MRPL19: variants seen among roughly 807,000 people sequenced by gnomAD.
MRPL19 encodes large ribosomal subunit protein bL19m.
A neutral mutation model predicts 34.0 loss-of-function variants in MRPL19; 31 were observed. That is an observed-to-expected ratio of 0.91 (90% CI 0.68 to 1.23). MRPL19 has a LOEUF of 1.23. MRPL19 is among the 50% of genes most tolerant of loss of function. The pLI is 0.00. For missense variants in MRPL19, 384 were observed against 367.6 expected (o/e 1.04, Z -0.37); for synonymous variants, 152 against 127.7 (o/e 1.19, Z -1.28).
rs79182119 is a variant in MRPL19, at chr2:75,660,548, T to G, written c.*5263T>G. The G allele has an allele frequency of 6.6e-6, 1 of 152,334 alleles. No homozygotes were observed. Among genetic ancestry groups the G allele is most frequent in the East Asian group, 1.9e-4 (1 of 5,184 alleles). The allele number at this position is 152,334 out of a possible 1,614,324, so 9.4% of individuals were successfully genotyped here. On this transcript the variant is annotated 3_prime_UTR_variant, in exon 6 of 6. Coordinates refer to ENST00000393909, the MANE Select transcript of MRPL19 (RefSeq NM_014763.4). ...GATTGTAGCAGTCTATTGCTACATG[T>G]GCAGTCATTTCCAAACTATTTTTGC...
rs1382531974 is a variant in MRPL19, at chr2:75,659,071, A to G, written c.*3786A>G. 6.6e-6 allele frequency among the ~76,000 whole-genome samples: 1 copy of G among 152,000 alleles called. No individual in the cohort carries two copies. The highest frequency in any genetic ancestry group is 1.5e-5 in the Non-Finnish European group (1 of 67,982). Reference sequence around the variant, plus strand: ...ATTTAACACTTCTTCTATATGTCATATACTTTTTTGGCCCCTCATTTCCTC... The same window carrying G: ...ATTTAACACTTCTTCTATATGTCATGTACTTTTTTGGCCCCTCATTTCCTC... On this transcript the variant is annotated 3_prime_UTR_variant, in exon 6 of 6. Transcript: ENST00000393909.
intron 4 of MRPL19, among the ~76,000 whole-genome samples, chr2:75,654,518 A>G (rs1029082743): frequency 6.6e-6 from 1 of 152,004 alleles, no homozygotes; most frequent in Non-Finnish European, 1.5e-5. Flanking sequence ...TTTTTAGACT[A>G]TCATTCCAAT....
At chr2:75,654,520 C>T (rs542455097) in intron 4 of MRPL19, among the ~76,000 whole-genome samples, 7 of 151,882 alleles carry the variant, frequency 4.6e-5, no homozygotes, top group African/African-American at 1.7e-4. Flanking sequence ...TTTAGACTAT[C>T]ATTCCAATTC....
In MRPL19 at chr2:75,655,456, T is replaced by C. The variant is rs1160370861; in HGVS notation, c.*171T>C. 10 of 546,286 alleles carry C rather than the reference T, an allele frequency of 1.8e-5. No homozygotes were observed. The highest frequency in any genetic ancestry group is 1.4e-4 in the African/African-American group (7 of 51,406). 33.8% of individuals were successfully genotyped at this position (546,286 alleles called of 1,614,324 possible). On this transcript the variant is annotated 3_prime_UTR_variant, in exon 6 of 6. Coordinates refer to ENST00000393909, the MANE Select transcript of MRPL19 (RefSeq NM_014763.4). ...AAACTTGTACACCAGTTTATTACTC[T>C]AAAAAGAGAATTACACATGCCAAAT...
In MRPL19 at chr2:75,655,348, A is replaced by C. The variant is rs998573419; in HGVS notation, c.*63A>C. 3 of 1,200,620 alleles carry C rather than the reference A, an allele frequency of 2.5e-6. No homozygotes were observed. Among genetic ancestry groups the C allele is most frequent in the Non-Finnish European group, 3.6e-6 (3 of 839,554 alleles). The allele number at this position is 1,200,620 out of a possible 1,614,324, so 74.4% of individuals were successfully genotyped here. ...TGGCTCTAAGAGGATATATTTTGAGACCAATTTAATTTCATTTATAAGAAC... is the reference window on the plus strand; with the variant it reads ...TGGCTCTAAGAGGATATATTTTGAGCCCAATTTAATTTCATTTATAAGAAC... On this transcript the variant is annotated 3_prime_UTR_variant, in exon 6 of 6. Transcript: ENST00000393909.
rs2104132128 is a variant in MRPL19 at position 75,652,966 on chromosome 2, A to G, written c.475+309A>G. Among the ~76,000 whole-genome samples, 2 of 152,354 alleles carry G rather than the reference A, an allele frequency of 1.3e-5. 1 individual carries two copies. The highest frequency in any genetic ancestry group is 4.1e-4 in the South Asian group (2 of 4,832). On this transcript the variant is annotated intron_variant, in intron 4 of 5. Coordinates refer to ENST00000393909, the MANE Select transcript of MRPL19 (RefSeq NM_014763.4). ...AAAGCAGTATGGGGATATTTGTTTTAGGAGCAAATAACCCATGAGTAAAAC... is the reference window on the plus strand; with the variant it reads ...AAAGCAGTATGGGGATATTTGTTTTGGGAGCAAATAACCCATGAGTAAAAC...
rs1678535753 is a variant in MRPL19 at position 75,658,988 on chromosome 2, G to C, written c.*3703G>C. On this transcript the variant is annotated 3_prime_UTR_variant, in exon 6 of 6. Coordinates refer to ENST00000393909, the MANE Select transcript of MRPL19 (RefSeq NM_014763.4). ...TCCATTCTGCCAATTTCTGCCTTTTGATTGGAAAATTTAATCCATTTGCAT... is the reference window on the plus strand; with the variant it reads ...TCCATTCTGCCAATTTCTGCCTTTTCATTGGAAAATTTAATCCATTTGCAT... 6.6e-6 allele frequency among the ~76,000 whole-genome samples: 1 copy of C among 151,952 alleles called. No homozygotes were observed. Among genetic ancestry groups the C allele is most frequent in the African/African-American group, 2.4e-5 (1 of 41,394 alleles).
intron 4 of MRPL19, among the ~76,000 whole-genome samples, chr2:75,654,389 CAAGT>C (rs939067366): frequency 2.6e-5 from 4 of 152,116 alleles, no homozygotes; most frequent in Non-Finnish European, 5.9e-5. Flanking sequence ...GATTTTTCTT[CAAGT>C]AATTGGGAGA....
chr2:75,647,206 G>T lies in MRPL19; in HGVS notation c.208G>T (p.Glu70Ter). ...CATCGTGGACAAGCACCGCCCCGTG[G>T]AACCGGAACGCAGGTGAGGCACTGC... ...PVIVDKHRPVEPERRFLSPEF... is the reference protein window; with the variant it reads ...PVIVDKHRPV Residue 70 changes from glutamate (E) to a stop codon, truncating the protein, a stop_gained, in exon 2 of 6, where the codon GAA becomes TAA. Coordinates refer to ENST00000393909, the MANE Select transcript of MRPL19 (RefSeq NM_014763.4). LOFTEE classifies it high-confidence loss of function. 1 of 1,580,656 alleles carries T rather than the reference G, an allele frequency of 6.3e-7. No individual in the cohort carries two copies. Among genetic ancestry groups the T allele is most frequent in the Non-Finnish European group, 8.6e-7 (1 of 1,163,010 alleles).
chr2:75,653,347 T>G (rs147222668), intron 4 of MRPL19, among the ~76,000 whole-genome samples: 1 of 152,362 alleles, frequency 6.6e-6, no homozygotes, highest in East Asian at 1.9e-4. Flanking sequence ...TCAGCAGGAC[T>G]TAATTGATTT....
In MRPL19 at chr2:75,658,924, G is replaced by A. The variant is rs1678533791; in HGVS notation, c.*3639G>A. ...GTCTTTGGAGCTATAGTCTCTTGTAGACAGCATATCACTATCTTGTTTTGT... is the reference window on the plus strand; with the variant it reads ...GTCTTTGGAGCTATAGTCTCTTGTAAACAGCATATCACTATCTTGTTTTGT... On this transcript the variant is annotated 3_prime_UTR_variant, in exon 6 of 6. Transcript: ENST00000393909. Among the ~76,000 whole-genome samples the A allele has an allele frequency of 7.0e-6, 1 of 143,064 alleles. No homozygotes were observed. The highest frequency in any genetic ancestry group is 2.7e-5 in the African/African-American group (1 of 36,424). The allele number at this position is 143,064 out of a possible 152,430, so 93.9% of individuals were successfully genotyped here. A position where few individuals can be genotyped will look rare whatever the true frequency, so the allele number is the denominator to read the frequency against.
chr2:75,649,388 C>G (rs1678283727), intron 2 of MRPL19, among the ~76,000 whole-genome samples: 1 of 152,080 alleles, frequency 6.6e-6, no homozygotes, highest in African/African-American at 2.4e-5. Context: ...TGTAAACTTT[C>G]TTAAAACATA....
At chr2:75,650,689 ATG>A (rs961162845) in intron 2 of MRPL19, among the ~76,000 whole-genome samples, 6 of 152,166 alleles carry the variant, frequency 3.9e-5, no homozygotes. Flanking sequence ...AAATGCAGGG[ATG>A]TGAGACTGGC....
Position 75,654,634 on chromosome 2 carries a change from A to G in MRPL19, c.476-102A>G. 3 of 1,077,116 alleles carry G rather than the reference A, an allele frequency of 2.8e-6. No homozygotes were observed. In the South Asian group the frequency reaches 6.7e-5, roughly 24 times the overall value. 66.7% of individuals were successfully genotyped at this position (1,077,116 alleles called of 1,614,324 possible). ...ATTAACGGCACATTTTCTACATGCA[A>G]AACTTTGTGCTAATTCCTTTATGAA... On this transcript the variant is annotated intron_variant, in intron 4 of 5. Transcript: ENST00000393909.
intron 2 of MRPL19, among the ~76,000 whole-genome samples, chr2:75,649,582 A>G (rs1678287287): frequency 6.6e-6 from 1 of 152,200 alleles, no homozygotes; most frequent in South Asian, 2.1e-4. Context: ...TCGTGATAAT[A>G]TAGGAGCAAG....
At chr2:75,648,607 C>T (rs1330211483) in intron 2 of MRPL19, among the ~76,000 whole-genome samples, 1 of 151,976 alleles carries the variant, frequency 6.6e-6, no homozygotes, top group Non-Finnish European at 1.5e-5. Flanking sequence ...CGACTGTTAT[C>T]CCAGCACTTT....
At chr2:75,647,859 T>C (rs1222134679) in intron 2 of MRPL19, among the ~76,000 whole-genome samples, 1 of 152,096 alleles carries the variant, frequency 6.6e-6, no homozygotes, top group Non-Finnish European at 1.5e-5. Flanking sequence ...GATTATTGAT[T>C]GGATTACTTC....
chr2:75,650,813 T>C (rs1023373711), intron 2 of MRPL19, among the ~76,000 whole-genome samples: 24 of 152,156 alleles, frequency 1.6e-4, no homozygotes, highest in Non-Finnish European at 2.8e-4. Context: ...CAGGATTTCT[T>C]CAAGGGATAC....
chr2:75,647,078 G>C, intron 1 of MRPL19, 24 bp from the exon 2 acceptor site: 1 of 1,564,748 alleles, frequency 6.4e-7, no homozygotes, highest in Non-Finnish European at 8.7e-7. Context: ...CGAGAGTTCT[G>C]ACCTCCGTCG....
Sources: allele counts gnomAD v4.1 joint callset (sites outside exome capture counted in the v4.1 genomes callset), GRCh38; gene constraint gnomAD v4.1.1; transcripts MANE v1.5; gene names NCBI Gene and HGNC (gene_info 2026-07-23, HGNC 2026-07-21).